HTRA3: variants seen among roughly 807,000 people sequenced by gnomAD.
HTRA3 encodes the protein HtrA serine peptidase 3, also known as serine protease HTRA3.
In HTRA3, 41 loss-of-function variants were observed where a neutral mutation model predicts 43.2. That is an observed-to-expected ratio of 0.95 (90% CI 0.74 to 1.23). The LOEUF (loss-of-function observed/expected upper bound fraction) is 1.23, where lower values mean the gene tolerates loss of function less well. Ranked by LOEUF, HTRA3 falls within the 50% of genes most tolerant of loss-of-function variation. The pLI is 0.00. For missense variants in HTRA3, 628 were observed against 647.1 expected, an observed-to-expected ratio of 0.97 and a Z score of 0.32; for synonymous variants, 295 against 287.9, an observed-to-expected ratio of 1.02 and a Z score of -0.25.
chr4:8,305,242 G>T (rs1713793394), intron 8 of HTRA3, among the ~76,000 whole-genome samples: 1 of 152,256 alleles, frequency 6.6e-6, no homozygotes, highest in African/African-American at 2.4e-5. Flanking sequence ...AAGGTGGGAG[G>T]CCCCGCGTGA....
In HTRA3 at chr4:8,295,942, G is replaced by C; in HGVS notation, c.1051+1741G>C. The C allele has an allele frequency of 8.2e-7, 1 of 1,222,730 alleles. No homozygotes were observed. Among genetic ancestry groups the C allele is most frequent in the Non-Finnish European group, 1.0e-6 (1 of 981,312 alleles). 75.7% of individuals were successfully genotyped at this position (1,222,730 alleles called of 1,614,324 possible). ...AAGTCTTCTTCTCTTGAACAGTGGGGACCATCTAATCTCTTGAGCCCTTTT... is the reference window on the plus strand; with the variant it reads ...AAGTCTTCTTCTCTTGAACAGTGGGCACCATCTAATCTCTTGAGCCCTTTT... On this transcript the variant is annotated intron_variant, in intron 6 of 8. Transcript: ENST00000307358. This position sits in a 1 kb window ranked among gnomAD's most constrained non-coding sequence, Gnocchi z 6.9.
rs1260913808 is a variant in HTRA3 at position 8,297,129 on chromosome 4, G to C, written c.1051+2928G>C. 1.3e-5 allele frequency among the ~76,000 whole-genome samples: 2 copies of C among 152,188 alleles called. No individual in the cohort carries two copies. The highest frequency in any genetic ancestry group is 1.9e-4 in the East Asian group (1 of 5,132). On this transcript the variant is annotated intron_variant, in intron 6 of 8. Coordinates refer to ENST00000307358, the MANE Select transcript of HTRA3 (RefSeq NM_053044.5). This position sits in a 1 kb window ranked among gnomAD's most constrained non-coding sequence, Gnocchi z 5.8. ...TGGTCTCAGGCCCCTGTGCTGGGTA[G>C]AGTCCTGAGTCCTTCCCAATAGTGG...
chr4:8,299,693 G>A (rs950889065), intron 6 of HTRA3, among the ~76,000 whole-genome samples: 2 of 152,034 alleles, frequency 1.3e-5, no homozygotes, highest in Admixed American at 6.6e-5. Context: ...TTTTGTCAGA[G>A]GCTTTTTGTG....
intron 1 of HTRA3, among the ~76,000 whole-genome samples, chr4:8,282,146 TG>T (rs1712773122): frequency 6.6e-6 from 1 of 152,170 alleles, no homozygotes; most frequent in African/African-American, 2.4e-5. Flanking sequence ...AACCTCTCTC[TG>T]AGCCTCCTGC....
rs769121307 is a variant in HTRA3 at position 8,291,352 on chromosome 4, TCTC to T, written c.709-15_709-13del. The T allele has an allele frequency of 2.3e-5, 37 of 1,609,980 alleles. No individual in the cohort carries two copies. Among genetic ancestry groups the T allele is most frequent in the Non-Finnish European group, 3.0e-5 (35 of 1,177,086 alleles). ...CGGCTAAGCCTCCCTCTCTGTGTCT[TCTC>T]CTTCTCTCTCCTAGAAAAAGCTCCC... is the stretch of plus-strand genomic sequence containing the variant. On this transcript the variant is annotated splice_polypyrimidine_tract_variant and intron_variant, in intron 3 of 8. Coordinates refer to ENST00000307358, the MANE Select transcript of HTRA3 (RefSeq NM_053044.5).
At chr4:8,290,838 G>A (rs1374550661) in intron 3 of HTRA3, among the ~76,000 whole-genome samples, 3 of 152,224 alleles carry the variant, frequency 2.0e-5, no homozygotes, top group African/African-American at 7.2e-5. Context: ...GGTGGAGCTC[G>A]GCTAGTGGCT....
rs775767057 is a variant in HTRA3, at chr4:8,282,436, G to T, written c.386-1G>T. ...GCACCTGGCCCTTCCCGCCAGCGCA[G>T]GTCTCCACCAGCTGAGCAGCCCGCG... is the stretch of plus-strand genomic sequence containing the variant. On this transcript the variant is annotated splice_acceptor_variant, in intron 1 of 8. Coordinates refer to ENST00000307358, the MANE Select transcript of HTRA3 (RefSeq NM_053044.5). LOFTEE classifies it high-confidence loss of function. 1 of 1,612,320 alleles carries T rather than the reference G, an allele frequency of 6.2e-7. No homozygotes were observed. The highest frequency in any genetic ancestry group is 8.5e-7 in the Non-Finnish European group (1 of 1,179,210).
At chr4:8,287,297 C>T (rs1285711120) in intron 3 of HTRA3, among the ~76,000 whole-genome samples, 1 of 152,200 alleles carries the variant, frequency 6.6e-6, no homozygotes, top group African/African-American at 2.4e-5. Flanking sequence ...TTCTGGAAGG[C>T]CTGCTCTCAG....
chr4:8,276,908 A>G (rs371663025), intron 1 of HTRA3, among the ~76,000 whole-genome samples: 114 of 152,380 alleles, frequency 7.5e-4, no homozygotes, highest in African/African-American at 2.3e-3. Context: ...CCTTGCCTGT[A>G]AAATGGACTC....
rs1373782651 is a variant in HTRA3, at chr4:8,279,653, G to C, written c.386-2784G>C. Among the ~76,000 whole-genome samples, 1 of 152,174 alleles carries C rather than the reference G, an allele frequency of 6.6e-6. No homozygotes were observed. Among genetic ancestry groups the C allele is most frequent in the African/African-American group, 2.4e-5 (1 of 41,438 alleles). ...CAGCCTTTTCTAATCACCTGTGGGA[G>C]GAGAGGTGCTGCCATTCCTCCTTCT... is the stretch of plus-strand genomic sequence containing the variant. On this transcript the variant is annotated intron_variant, in intron 1 of 8. Transcript: ENST00000307358. The surrounding 1 kb of genome is among the most constrained non-coding windows in gnomAD (Gnocchi z 7.4).
At chr4:8,302,438 G>T (rs1713685604) in intron 6 of HTRA3, 25 bp from the exon 7 acceptor site, 1 of 1,613,020 alleles carries the variant, frequency 6.2e-7, no homozygotes, top group Non-Finnish European at 8.5e-7. Flanking sequence ...AGCCCTAACG[G>T]AGTCTCGCCG....
At chr4:8,298,313 T>C (rs1713529185) in intron 6 of HTRA3, among the ~76,000 whole-genome samples, 1 of 152,232 alleles carries the variant, frequency 6.6e-6, no homozygotes, top group Non-Finnish European at 1.5e-5. Context: ...TCATCTTTGG[T>C]GTGTTTAAAT....
intron 3 of HTRA3, among the ~76,000 whole-genome samples, chr4:8,288,238 A>G (rs1578798073): frequency 6.6e-6 from 1 of 152,168 alleles, no homozygotes; most frequent in East Asian, 1.9e-4. Flanking sequence ...AAGGAAACCC[A>G]CTGAGGGGTG....
intron 8 of HTRA3, 71 bp downstream of exon 8, chr4:8,304,350 G>C: frequency 8.6e-7 from 1 of 1,169,544 alleles, no homozygotes. Context: ...CTGCCCCACT[G>C]ACCTCATGTG....
chr4:8,278,187 TC>T (rs1309738921), intron 1 of HTRA3, among the ~76,000 whole-genome samples: 1 of 152,028 alleles, frequency 6.6e-6, no homozygotes, highest in Non-Finnish European at 1.5e-5. Flanking sequence ...TTGGCCACAG[TC>T]CCCCAGGACT....
Position 8,297,152 on chromosome 4 carries a change from T to C in HTRA3, c.1051+2951T>C, listed in dbSNP as rs1357950522. Among the ~76,000 whole-genome samples, 3 of 151,770 alleles carry C rather than the reference T, an allele frequency of 2.0e-5. No individual in the cohort carries two copies. The highest frequency in any genetic ancestry group is 4.4e-5 in the Non-Finnish European group (3 of 67,944). ...TAGAGTCCTGAGTCCTTCCCAATAGTGGAAAAGTCTGGGGAAGGCAGCCCA... is the reference window on the plus strand; with the variant it reads ...TAGAGTCCTGAGTCCTTCCCAATAGCGGAAAAGTCTGGGGAAGGCAGCCCA... On this transcript the variant is annotated intron_variant, in intron 6 of 8. Transcript: ENST00000307358. This position sits in a 1 kb window ranked among gnomAD's most constrained non-coding sequence, Gnocchi z 5.8.
intron 1 of HTRA3, among the ~76,000 whole-genome samples, chr4:8,277,239 G>T (rs1290247703): frequency 6.6e-6 from 1 of 152,218 alleles, no homozygotes; most frequent in East Asian, 1.9e-4. Context: ...AAGTTTTCCA[G>T]AGGAGGAAAA....
At chr4:8,305,630 C>A (rs1297397325) in intron 8 of HTRA3, among the ~76,000 whole-genome samples, 1 of 152,162 alleles carries the variant, frequency 6.6e-6, no homozygotes, top group Non-Finnish European at 1.5e-5. Context: ...TACTCCTGGG[C>A]CTTTATAATT....
At chr4:8,302,144 C>T (rs1467882453) in intron 6 of HTRA3, among the ~76,000 whole-genome samples, 1 of 152,138 alleles carries the variant, frequency 6.6e-6, no homozygotes, top group African/African-American at 2.4e-5. Flanking sequence ...AAGGACAGCC[C>T]CACTGGCCAC....
Sources: allele counts gnomAD v4.1 joint callset (sites outside exome capture counted in the v4.1 genomes callset), GRCh38; gene constraint gnomAD v4.1.1; non-coding constraint Gnocchi (gnomAD v3.1); transcripts MANE v1.5; gene names NCBI Gene and HGNC (gene_info 2026-07-23, HGNC 2026-07-21).